NCAM2: variants seen among roughly 807,000 people sequenced by gnomAD.
NCAM2 encodes neural cell adhesion molecule 2, also known as N-CAM-2.
Under a neutral mutation model 98.1 loss-of-function variants are expected in NCAM2, and 30 were observed. That is an observed-to-expected ratio of 0.31 (90% CI 0.23 to 0.41). NCAM2 has a LOEUF of 0.41. NCAM2 is among the 10% of genes least tolerant of loss of function. The pLI, the probability that NCAM2 is intolerant of heterozygous loss-of-function variation, is 1.00. For missense variants in NCAM2, 867 were observed against 1,005.8 expected, an observed-to-expected ratio of 0.86 and a Z score of 1.87; for synonymous variants, 368 against 342.4, an observed-to-expected ratio of 1.07 and a Z score of -0.83.
At chr21:21,073,122 T>G (rs1267586364) in intron 1 of NCAM2, among the ~76,000 whole-genome samples, 1 of 152,176 alleles carries the variant, frequency 6.6e-6, no homozygotes, top group Non-Finnish European at 1.5e-5. Flanking sequence ...GACTTGAGGG[T>G]TCATTCATAT....
At chr21:21,349,278 C>T (rs1474347980) in intron 8 of NCAM2, among the ~76,000 whole-genome samples, 1 of 151,980 alleles carries the variant, frequency 6.6e-6, no homozygotes, top group South Asian at 2.1e-4. Flanking sequence ...GATTTGAATA[C>T]ACATTTACCA....
intron 1 of NCAM2, among the ~76,000 whole-genome samples, chr21:21,131,824 G>C (rs1265128475): frequency 6.6e-6 from 1 of 152,080 alleles, no homozygotes; most frequent in Non-Finnish European, 1.5e-5. Context: ...TTGAACTTCT[G>C]TTATGGCCAA....
intron 1 of NCAM2, among the ~76,000 whole-genome samples, chr21:21,030,407 T>C (rs1601144187): frequency 6.6e-6 from 1 of 152,340 alleles, no homozygotes; most frequent in Middle Eastern, 3.4e-3. Flanking sequence ...TTTATCTTAC[T>C]GTTCTATAGG....
intron 1 of NCAM2, among the ~76,000 whole-genome samples, chr21:21,209,378 G>A (rs1313912666): frequency 6.6e-6 from 1 of 152,134 alleles, no homozygotes; most frequent in African/African-American, 2.4e-5. Context: ...ACAATGCCCA[G>A]TTAATTTATT....
intron 1 of NCAM2, among the ~76,000 whole-genome samples, chr21:21,051,718 G>A (rs1384803393): frequency 6.6e-6 from 1 of 152,202 alleles, no homozygotes; most frequent in Admixed American, 6.5e-5. Flanking sequence ...GGCCACATTT[G>A]CTGGTTTACA....
intron 12 of NCAM2, among the ~76,000 whole-genome samples, chr21:21,440,576 G>T (rs1280807891): frequency 1.3e-5 from 2 of 152,008 alleles, no homozygotes; most frequent in Non-Finnish European, 2.9e-5. Flanking sequence ...AGCTACTCTG[G>T]AGGCTGAGAT....
At chr21:21,043,850 C>CAAAAA (rs72473034) in intron 1 of NCAM2, among the ~76,000 whole-genome samples, 26 of 119,776 alleles carry the variant, frequency 2.2e-4, no homozygotes, top group South Asian at 5.6e-4. Flanking sequence ...GAGACTCCGT[C>CAAAAA]AAAAAAAAAA....
At chr21:21,047,626 C>T (rs1471915647) in intron 1 of NCAM2, among the ~76,000 whole-genome samples, 3 of 152,128 alleles carry the variant, frequency 2.0e-5, no homozygotes, top group Non-Finnish European at 4.4e-5. Context: ...AAAACTAATA[C>T]ACAAAGAGCA....
chr21:21,282,963 A>G (rs542905761), intron 2 of NCAM2, among the ~76,000 whole-genome samples: 3 of 151,976 alleles, frequency 2.0e-5, no homozygotes, highest in Admixed American at 6.6e-5. Flanking sequence ...TTAACTTACT[A>G]TATAAAATAT....
intron 5 of NCAM2, among the ~76,000 whole-genome samples, chr21:21,307,223 A>G (rs941383502): frequency 1.3e-5 from 2 of 152,008 alleles, no homozygotes; most frequent in African/African-American, 4.8e-5. Context: ...TTCATTTTTG[A>G]ATATTTTAAT....
intron 1 of NCAM2, among the ~76,000 whole-genome samples, chr21:21,050,705 G>C (rs185550708): frequency 6.6e-6 from 1 of 152,264 alleles, no homozygotes; most frequent in East Asian, 1.9e-4. Flanking sequence ...TGTTAGAAGT[G>C]TTGCCTTCTC....
intron 1 of NCAM2, among the ~76,000 whole-genome samples, chr21:21,216,188 C>A (rs530111650): frequency 7.9e-5 from 12 of 152,206 alleles, no homozygotes; most frequent in Non-Finnish European, 1.3e-4. Context: ...AGGAAAATAT[C>A]AGATAGTCAA....
chr21:21,105,860 T>C (rs1336083185), intron 1 of NCAM2, among the ~76,000 whole-genome samples: 1 of 152,140 alleles, frequency 6.6e-6, no homozygotes, highest in African/African-American at 2.4e-5. Context: ...CATTGTTCAT[T>C]GTAAGACCAT....
intron 11 of NCAM2, among the ~76,000 whole-genome samples, chr21:21,429,140 G>GA (rs1016424244): frequency 1.2e-4 from 18 of 151,878 alleles, no homozygotes; most frequent in African/African-American, 7.3e-5. Context: ...AAAATAATAT[G>GA]AAAAAAAGGC....
intron 1 of NCAM2, among the ~76,000 whole-genome samples, chr21:21,170,637 G>A (rs2068091972): frequency 6.6e-6 from 1 of 152,154 alleles, no homozygotes; most frequent in Admixed American, 6.5e-5. Flanking sequence ...TACTTCAGAG[G>A]CTATTTAGGG....
intron 1 of NCAM2, among the ~76,000 whole-genome samples, chr21:21,019,896 G>C (rs1260083607): frequency 6.6e-6 from 1 of 152,048 alleles, no homozygotes; most frequent in African/African-American, 2.4e-5. Context: ...GTGTTAGCTG[G>C]GTGCTGTCGT....
In NCAM2 at chr21:21,307,937, T is replaced by C. The variant is rs182791890; in HGVS notation, c.619+15696T>C. On this transcript the variant is annotated intron_variant, in intron 5 of 17. Transcript: ENST00000400546. Reference sequence around the variant, plus strand: ...AATTTCCTCACTTAATGTCTGTAACTTTAAAAAACACCTGCAAAGTCTTTT... The same window carrying C: ...AATTTCCTCACTTAATGTCTGTAACCTTAAAAAACACCTGCAAAGTCTTTT... 1.9e-3 allele frequency among the ~76,000 whole-genome samples: 295 copies of C among 152,240 alleles called. 2 individuals carry two copies. Among genetic ancestry groups the C allele is most frequent in the Non-Finnish European group, 3.2e-3 (215 of 68,010 alleles).
intron 1 of NCAM2, among the ~76,000 whole-genome samples, chr21:21,075,787 T>C (rs538612315): frequency 1.3e-5 from 2 of 152,150 alleles, no homozygotes; most frequent in South Asian, 4.1e-4. Context: ...TTAAGAAAAA[T>C]AAATAAAAAT....
rs556299601 is a variant in NCAM2, at chr21:21,210,643, G to A, written c.56-69935G>A. 416 of 1,284,078 alleles carry A rather than the reference G, an allele frequency of 3.2e-4. No individual in the cohort carries two copies. The African/African-American group carries it at 4.8e-3, about 15-fold the overall frequency. 79.5% of individuals were successfully genotyped at this position (1,284,078 alleles called of 1,614,324 possible). On this transcript the variant is annotated intron_variant, in intron 1 of 17. Coordinates refer to ENST00000400546, the MANE Select transcript of NCAM2 (RefSeq NM_004540.5). ...TCTCTTTGTTGACTGGAAATACAACGAAGCACTTTATCTTGAAGAAGGGCA... is the reference window on the plus strand; with the variant it reads ...TCTCTTTGTTGACTGGAAATACAACAAAGCACTTTATCTTGAAGAAGGGCA...
Sources: allele counts gnomAD v4.1 joint callset (sites outside exome capture counted in the v4.1 genomes callset), GRCh38; gene constraint gnomAD v4.1.1; transcripts MANE v1.5; gene names NCBI Gene and HGNC (gene_info 2026-07-23, HGNC 2026-07-21).